The following L3MBTL4 variants were observed in gnomAD, a reference collection of about 807,000 sequenced individuals.
The protein encoded by L3MBTL4 is lethal(3)malignant brain tumor-like protein 4.
In L3MBTL4, 70 loss-of-function variants were observed where a neutral mutation model predicts 84.5. The ratio of observed to expected loss-of-function variants is 0.83; its 90% confidence interval spans 0.68 to 1.01. The LOEUF (loss-of-function observed/expected upper bound fraction) is 1.01. Ranked by LOEUF, L3MBTL4 falls within the 50% of genes least tolerant of loss-of-function variation. The pLI is 0.00. For missense variants in L3MBTL4, 715 were observed against 754.8 expected (o/e 0.95, Z 0.62); for synonymous variants, 274 against 259.8 (o/e 1.05, Z -0.52).
intron 14 of L3MBTL4, among the ~76,000 whole-genome samples, chr18:6,124,742 A>T (rs1268590904): frequency 6.6e-6 from 1 of 152,140 alleles, no homozygotes; most frequent in South Asian, 2.1e-4. Context: ...AAAGGAAATT[A>T]AGTAAAGAAA....
At chr18:6,307,487 GATTTATAAGCTGTTTGTTAC>G (rs2050644118) in intron 3 of L3MBTL4, among the ~76,000 whole-genome samples, 1 of 151,792 alleles carries the variant, frequency 6.6e-6, no homozygotes, top group Non-Finnish European at 1.5e-5. Context: ...TACCAGGTTG[GATTTATAAGCTGTTTGTTAC>G]AACAGAATAA....
intron 1 of L3MBTL4, among the ~76,000 whole-genome samples, chr18:6,330,721 T>A (rs971527796): frequency 6.6e-6 from 1 of 152,246 alleles, no homozygotes; most frequent in Non-Finnish European, 1.5e-5. Context: ...AGTATGCATA[T>A]ATTCTGAAAG....
At chr18:6,031,504 C>T (rs912151486) in intron 16 of L3MBTL4, 6 of 985,318 alleles carry the variant, frequency 6.1e-6, no homozygotes, top group South Asian at 9.4e-5. Flanking sequence ...TAAGTATTTA[C>T]TTAGTTCACA....
intron 1 of L3MBTL4, among the ~76,000 whole-genome samples, chr18:6,377,859 A>C (rs1380515895): frequency 5.9e-5 from 9 of 152,204 alleles, no homozygotes; most frequent in Non-Finnish European, 1.2e-4. Flanking sequence ...GGCTAGGTCA[A>C]ATGGTATTTC....
chr18:6,059,958 T>C (rs2057151664), intron 16 of L3MBTL4, among the ~76,000 whole-genome samples: 1 of 152,208 alleles, frequency 6.6e-6, no homozygotes, highest in South Asian at 2.1e-4. Context: ...TTCTATTCTA[T>C]CTTGTAAGCT....
chr18:6,131,890 GA>G (rs778565257), intron 14 of L3MBTL4, among the ~76,000 whole-genome samples: 2 of 152,130 alleles, frequency 1.3e-5, no homozygotes, highest in African/African-American at 2.4e-5. Context: ...GATTATGAAT[GA>G]TATCAATTTT....
At chr18:6,171,217 G>T (rs574525031) in intron 13 of L3MBTL4, among the ~76,000 whole-genome samples, 2 of 152,300 alleles carry the variant, frequency 1.3e-5, no homozygotes, top group African/African-American at 4.8e-5. Flanking sequence ...TTGCACTTGT[G>T]TCTGGAACTG....
intron 16 of L3MBTL4, among the ~76,000 whole-genome samples, chr18:5,988,251 T>C (rs572243712): frequency 1.3e-5 from 2 of 152,218 alleles, no homozygotes; most frequent in Non-Finnish European, 2.9e-5. Context: ...TTCTATGTCA[T>C]ACACAGCTAA....
chr18:6,157,709 A>T (rs928336943), intron 13 of L3MBTL4, among the ~76,000 whole-genome samples: 9 of 152,242 alleles, frequency 5.9e-5, no homozygotes, highest in Non-Finnish European at 1.5e-5. Flanking sequence ...AAAGTCATTA[A>T]TATAAATTAC....
At chr18:6,178,318 T>C (rs951569722) in intron 12 of L3MBTL4, among the ~76,000 whole-genome samples, 5 of 152,214 alleles carry the variant, frequency 3.3e-5, no homozygotes, top group African/African-American at 1.2e-4. Context: ...TCTGAATTTA[T>C]AATCAAAATC....
intron 4 of L3MBTL4, among the ~76,000 whole-genome samples, chr18:6,295,334 CTCTCTCTCTCTCTATATA>C (rs1231381191): frequency 2.3e-5 from 3 of 130,520 alleles, no homozygotes; most frequent in Admixed American, 7.9e-5. Context: ...CTCTCTCTCT[CTCTCTCTCTCTCTATATA>C]TATATATATA....
intron 14 of L3MBTL4, among the ~76,000 whole-genome samples, chr18:6,093,770 A>T (rs530642035): frequency 2.6e-5 from 4 of 152,366 alleles, no homozygotes; most frequent in African/African-American, 9.6e-5. Flanking sequence ...TACGGCATTT[A>T]TAATTTTAGA....
rs185081207 is a variant in L3MBTL4 at position 6,359,112 on chromosome 18, T to C, written c.-90-47056A>G. 5.3e-4 allele frequency among the ~76,000 whole-genome samples: 81 copies of C among 152,324 alleles called. 1 individual carries two copies. Among genetic ancestry groups the C allele is most frequent in the Admixed American group, 3.2e-3 (49 of 15,298 alleles). On this transcript the variant is annotated intron_variant, in intron 1 of 18. Coordinates refer to ENST00000317931, the MANE Select transcript of L3MBTL4 (RefSeq NM_001330559.2). ...AAGACATTCTGAAACTATTTAAAGGTATAAAATTGAGTAACTTACTTAATT... is the reference window on the plus strand; with the variant it reads ...AAGACATTCTGAAACTATTTAAAGGCATAAAATTGAGTAACTTACTTAATT...
intron 17 of L3MBTL4, among the ~76,000 whole-genome samples, chr18:5,966,034 A>T (rs1026218808): frequency 1.3e-5 from 2 of 152,116 alleles, no homozygotes; most frequent in South Asian, 4.1e-4. Context: ...CACAACAGAG[A>T]ACTAAAGACC....
chr18:6,045,624 A>G (rs115152006), intron 16 of L3MBTL4, among the ~76,000 whole-genome samples: 3,566 of 152,280 alleles, frequency 0.023, 142 homozygotes, highest in African/African-American at 0.082. Flanking sequence ...TCATGAGAAC[A>G]GCATAGGAAA....
At chr18:6,110,506 G>A (rs1458967472) in intron 14 of L3MBTL4, among the ~76,000 whole-genome samples, 13 of 150,002 alleles carry the variant, frequency 8.7e-5, no homozygotes, top group East Asian at 5.9e-4. Flanking sequence ...GGTTGTACAC[G>A]TGTGCGGGGT....
rs138903910 is a variant in L3MBTL4, at chr18:6,018,999, C to T, written c.1445-49437G>A. Among the ~76,000 whole-genome samples, 500 of 152,246 alleles carry T rather than the reference C, an allele frequency of 3.3e-3. 1 individual carries two copies. The highest frequency in any genetic ancestry group is 0.012 in the African/African-American group (485 of 41,532). On this transcript the variant is annotated intron_variant, in intron 16 of 18. Coordinates refer to ENST00000317931, the MANE Select transcript of L3MBTL4 (RefSeq NM_001330559.2). ...AATATTATCTCTTAGGATTAATCAT[C>T]AACATCAAAAAGATAGGCTTATAGT... is the stretch of plus-strand genomic sequence containing the variant.
At chr18:6,318,175 G>T (rs1422358306) in intron 1 of L3MBTL4, among the ~76,000 whole-genome samples, 1 of 151,862 alleles carries the variant, frequency 6.6e-6, no homozygotes. Flanking sequence ...AACTCACAGG[G>T]CCTATAAAAC....
chr18:6,250,800 C>G (rs1449033260), intron 5 of L3MBTL4, among the ~76,000 whole-genome samples: 3 of 152,176 alleles, frequency 2.0e-5, no homozygotes, highest in Non-Finnish European at 4.4e-5. Context: ...ATGCAGATGA[C>G]AAAAACAAAA....
Sources: allele counts gnomAD v4.1 joint callset (sites outside exome capture counted in the v4.1 genomes callset), GRCh38; gene constraint gnomAD v4.1.1; transcripts MANE v1.5; gene names NCBI Gene and HGNC (gene_info 2026-07-23, HGNC 2026-07-21).